PTPRD: variants seen among roughly 807,000 people sequenced by gnomAD.
PTPRD encodes the protein receptor-type tyrosine-protein phosphatase delta.
In PTPRD, 34 loss-of-function variants were observed where a neutral mutation model predicts 214.5. The ratio of observed to expected loss-of-function variants is 0.16; its 90% CI spans 0.12 to 0.21. PTPRD has a LOEUF of 0.21. Among genes scored for constraint, PTPRD ranks in the 10% least tolerant of loss-of-function variants. The pLI, the probability that PTPRD is intolerant of heterozygous loss-of-function variation, is 1.00. For missense variants in PTPRD, 2,545 were observed against 2,398.7 expected (o/e 1.06, Z -1.27); for synonymous variants, 1,128 against 845.7 (o/e 1.33, Z -5.79).
intron 2 of PTPRD, among the ~76,000 whole-genome samples, chr9:10,572,529 A>AT (rs1316934193): frequency 6.6e-6 from 1 of 152,200 alleles, no homozygotes; most frequent in Non-Finnish European, 1.5e-5. Flanking sequence ...AAAAACAGTG[A>AT]TGAAGGAAGC....
rs561855188 is a variant in PTPRD, at chr9:9,657,667, G to A, written c.-287+76866C>T. ...TCATGGCTAAATGTTGTTTATGACC[G>A]AATCTTTGTTTTTATTATTGGCAGA... On this transcript the variant is annotated intron_variant, in intron 7 of 45. Coordinates refer to ENST00000381196, the MANE Select transcript of PTPRD (RefSeq NM_002839.4). 7.9e-5 allele frequency among the ~76,000 whole-genome samples: 12 copies of A among 152,216 alleles called. No individual in the cohort carries two copies. In the East Asian group the frequency reaches 2.3e-3, roughly 29 times the overall value.
At chr9:10,519,792 T>A (rs574027577) in intron 2 of PTPRD, among the ~76,000 whole-genome samples, 1 of 152,232 alleles carries the variant, frequency 6.6e-6, no homozygotes, top group African/African-American at 2.4e-5. Flanking sequence ...GTTACTATTG[T>A]CATTGTTTCG....
At chr9:9,361,809 A>G (rs1043261028) in intron 9 of PTPRD, among the ~76,000 whole-genome samples, 1 of 151,074 alleles carries the variant, frequency 6.6e-6, no homozygotes, top group Admixed American at 6.6e-5. Flanking sequence ...GCTTTTTGAT[A>G]GTAACTACTA....
intron 11 of PTPRD, among the ~76,000 whole-genome samples, chr9:8,869,368 A>G (rs1365723400): frequency 2.6e-5 from 4 of 152,320 alleles, no homozygotes; most frequent in South Asian, 4.1e-4. Flanking sequence ...TACAGTATCC[A>G]CACTCTATTA....
intron 11 of PTPRD, among the ~76,000 whole-genome samples, chr9:8,823,760 C>T (rs1490523032): frequency 6.6e-6 from 1 of 152,088 alleles, no homozygotes; most frequent in Admixed American, 6.5e-5. Context: ...GATCCAGACC[C>T]TAAGGGAGGG....
intron 11 of PTPRD, among the ~76,000 whole-genome samples, chr9:8,851,408 T>C (rs941955037): frequency 6.6e-6 from 1 of 152,204 alleles, no homozygotes; most frequent in Non-Finnish European, 1.5e-5. Context: ...ATAAACAACA[T>C]ACCGTGCCAT....
intron 8 of PTPRD, among the ~76,000 whole-genome samples, chr9:9,501,579 A>G (rs1403489107): frequency 6.6e-6 from 1 of 151,946 alleles, no homozygotes; most frequent in Non-Finnish European, 1.5e-5. Flanking sequence ...GTTAATGTAT[A>G]TCAACTATGC....
chr9:8,660,146 A>C (rs1036395118), intron 12 of PTPRD, among the ~76,000 whole-genome samples: 3 of 152,186 alleles, frequency 2.0e-5, no homozygotes, highest in African/African-American at 7.2e-5. Context: ...CAGTTTCCCC[A>C]AATATTAACC....
intron 8 of PTPRD, among the ~76,000 whole-genome samples, chr9:9,425,043 G>T (rs1257695879): frequency 6.6e-6 from 1 of 152,122 alleles, no homozygotes; most frequent in Admixed American, 6.6e-5. Context: ...GCTTACCAAG[G>T]TCTTGCACTG....
Position 10,464,056 on chromosome 9 carries a change from A to ACTATAAATACCTATAG in PTPRD, c.-599-123055_-599-123040dup, listed in dbSNP as rs535313739. Among the ~76,000 whole-genome samples, 820 of 152,250 alleles carry ACTATAAATACCTATAG rather than the reference A, an allele frequency of 5.4e-3. 1 individual carries two copies. The highest frequency in any genetic ancestry group is 0.01 in the Middle Eastern group (3 of 292). On this transcript the variant is annotated intron_variant, in intron 2 of 45. Transcript: ENST00000381196. Reference sequence around the variant, plus strand: ...TAAAGTATAAGTACAAATACCTATAACTATAAATACCTATAGCTATAAACA... The same window carrying ACTATAAATACCTATAG: ...TAAAGTATAAGTACAAATACCTATAACTATAAATACCTATAGCTATAAATACCTATAGCTATAAACA...
At chr9:10,059,012 C>T (rs1362281794) in intron 3 of PTPRD, among the ~76,000 whole-genome samples, 1 of 151,966 alleles carries the variant, frequency 6.6e-6, no homozygotes, top group Non-Finnish European at 1.5e-5. Context: ...TAAATAAATT[C>T]ATTTACTTTG....
chr9:9,392,810 GTCTTC>G (rs2066344727), intron 9 of PTPRD, among the ~76,000 whole-genome samples: 1 of 152,138 alleles, frequency 6.6e-6, no homozygotes, highest in Non-Finnish European at 1.5e-5. Context: ...TTTTCTTCCA[GTCTTC>G]ACTTTCAATC....
chr9:10,313,725 T>C (rs979165533), intron 3 of PTPRD, among the ~76,000 whole-genome samples: 1 of 151,974 alleles, frequency 6.6e-6, no homozygotes, highest in Non-Finnish European at 1.5e-5. Flanking sequence ...GCTTCCGATG[T>C]GTTTTTACTG....
At chr9:10,462,706 T>C (rs2098967573) in intron 2 of PTPRD, among the ~76,000 whole-genome samples, 1 of 148,768 alleles carries the variant, frequency 6.7e-6, no homozygotes, top group Non-Finnish European at 1.5e-5. Flanking sequence ...AAGTAAGATA[T>C]CTAAAGGAAA....
At chr9:10,470,117 T>C (rs894933156) in intron 2 of PTPRD, among the ~76,000 whole-genome samples, 3 of 152,070 alleles carry the variant, frequency 2.0e-5, no homozygotes, top group African/African-American at 7.2e-5. Flanking sequence ...CTAGAAGATA[T>C]GGAATAGTCC....
At chr9:9,624,451 T>A (rs1376485436) in intron 7 of PTPRD, among the ~76,000 whole-genome samples, 1 of 150,892 alleles carries the variant, frequency 6.6e-6, no homozygotes, top group Non-Finnish European at 1.5e-5. Flanking sequence ...TCTGGCTAAT[T>A]TTTTTTTTGT....
rs138848560 is a variant in PTPRD at position 9,783,410 on chromosome 9, C to A, written c.-367-16559G>T. On this transcript the variant is annotated intron_variant, in intron 5 of 45. Coordinates refer to ENST00000381196, the MANE Select transcript of PTPRD (RefSeq NM_002839.4). ...TCTTTTCAACAAAAGCTTTGTTAGC[C>A]TACTGAATCATGACAAGTAATCCTT... Among the ~76,000 whole-genome samples the A allele has an allele frequency of 4.6e-3, 695 of 152,162 alleles. 6 individuals are homozygous for A. The highest frequency in any genetic ancestry group is 0.016 in the African/African-American group (652 of 41,528).
chr9:9,004,746 C>T (rs956822890), intron 11 of PTPRD, among the ~76,000 whole-genome samples: 3 of 152,022 alleles, frequency 2.0e-5, no homozygotes, highest in African/African-American at 4.8e-5. Context: ...TCAAACCTCC[C>T]CTAGAGCCCA....
chr9:10,053,926 T>A (rs1487214701), intron 3 of PTPRD, among the ~76,000 whole-genome samples: 3 of 152,018 alleles, frequency 2.0e-5, no homozygotes, highest in African/African-American at 7.2e-5. Flanking sequence ...ACCCGGCTAA[T>A]TTTTGTGTTT....
Sources: allele counts gnomAD v4.1 joint callset (sites outside exome capture counted in the v4.1 genomes callset), GRCh38; gene constraint gnomAD v4.1.1; transcripts MANE v1.5; gene names NCBI Gene and HGNC (gene_info 2026-07-23, HGNC 2026-07-21).